Variants in RTTN observed in about 807,000 individuals in gnomAD.
RTTN encodes rotatin.
Under a neutral mutation model 269.2 loss-of-function variants are expected in RTTN, and 182 were observed. That is an observed-to-expected ratio of 0.68 (90% CI 0.60 to 0.76). The LOEUF is 0.76. Ranked by LOEUF, RTTN falls within the 30% of genes least tolerant of loss-of-function variation. The pLI is 0.00. For synonymous variants in RTTN, 1,006 were observed against 963.5 expected, an observed-to-expected ratio of 1.04 and a Z score of -0.82; for missense variants, 2,545 against 2,608.6, an observed-to-expected ratio of 0.98 and a Z score of 0.53.
chr18:70,067,938 C>T lies in RTTN; in HGVS notation c.4654-2016G>A, dbSNP rs528416117. ...GGGATACACAAGTTTAGAAAAGATG[C>T]TTTTAGAAAGTACCTTATTGTATTA... On this transcript the variant is annotated intron_variant, in intron 34 of 48. Coordinates refer to ENST00000640769, the MANE Select transcript of RTTN (RefSeq NM_173630.4). Among the ~76,000 whole-genome samples, 99 of 152,154 alleles carry T rather than the reference C, an allele frequency of 6.5e-4. 1 individual carries two copies. The highest frequency in any genetic ancestry group is 6.8e-4 in the Non-Finnish European group (46 of 68,018).
intron 34 of RTTN, 82 bp from the exon 35 acceptor site, chr18:70,066,004 T>A: frequency 1.2e-6 from 1 of 866,784 alleles, no homozygotes; most frequent in African/African-American, 1.7e-5. Context: ...AAGATATCCT[T>A]AAACAAGGAG....
intron 14 of RTTN, among the ~76,000 whole-genome samples, chr18:70,163,214 T>C (rs902324925): frequency 8.6e-5 from 13 of 150,584 alleles, no homozygotes; most frequent in Non-Finnish European, 7.4e-5. Context: ...AAACCCCATC[T>C]CTACTAAAAA....
chr18:70,199,341 CAT>C, intron 5 of RTTN, 71 bp downstream of exon 5: 1 of 959,140 alleles, frequency 1.0e-6, no homozygotes, highest in Non-Finnish European at 1.6e-6. Flanking sequence ...CCTGGTAAAA[CAT>C]ATTGTAATAA....
intron 36 of RTTN, 149 bp downstream of exon 36, chr18:70,059,701 T>C (rs554236241): frequency 4.2e-6 from 2 of 479,910 alleles, no homozygotes; most frequent in South Asian, 8.6e-5. Context: ...AAGACAATTC[T>C]GGCAAAAGCA....
Position 70,096,637 on chromosome 18 carries a change from A to G in RTTN, c.3904-3833T>C, listed in dbSNP as rs548265387. ...GTATCACCAGCGGAGGCTGCAGAAC[A>G]GCAAAGATTGCTGCCTGTTCCTTAC... On this transcript the variant is annotated intron_variant, in intron 28 of 48. Transcript: ENST00000640769. Among the ~76,000 whole-genome samples, 10 of 152,326 alleles carry G rather than the reference A, an allele frequency of 6.6e-5. No individual in the cohort carries two copies. In the East Asian group the frequency reaches 1.5e-3, roughly 24 times the overall value.
At chr18:70,045,869 A>G (rs1222598681) in intron 40 of RTTN, among the ~76,000 whole-genome samples, 1 of 152,210 alleles carries the variant, frequency 6.6e-6, no homozygotes, top group South Asian at 2.1e-4. Context: ...AATTTAGAGA[A>G]ATAAAGAGGA....
intron 35 of RTTN, 142 bp from the exon 36 acceptor site, chr18:70,060,184 C>A: frequency 1.3e-6 from 1 of 763,884 alleles, no homozygotes; most frequent in Non-Finnish European, 2.0e-6. Flanking sequence ...CTCATCTTAA[C>A]CTTGAGGTTA....
intron 31 of RTTN, among the ~76,000 whole-genome samples, chr18:70,087,577 G>C (rs1047163416): frequency 6.6e-6 from 1 of 151,774 alleles, no homozygotes; most frequent in African/African-American, 2.4e-5. Context: ...AAGCTATTCA[G>C]AAAGAATTAA....
chr18:70,119,001 T>G (rs1370394922), intron 26 of RTTN, among the ~76,000 whole-genome samples: 1 of 152,092 alleles, frequency 6.6e-6, no homozygotes, highest in African/African-American at 2.4e-5. Context: ...AGTTTAAAGC[T>G]TTTTCTCTAA....
At chr18:70,138,920 C>T (rs1262943574) in intron 21 of RTTN, 6 of 151,136 alleles carry the variant, frequency 4.0e-5, no homozygotes, top group Admixed American at 4.0e-4. Context: ...TTCTACATGA[C>T]TCTTGCAAAA....
At chr18:70,042,728 G>C (rs540286395) in intron 40 of RTTN, among the ~76,000 whole-genome samples, 5 of 152,126 alleles carry the variant, frequency 3.3e-5, no homozygotes, top group Non-Finnish European at 2.9e-5. Flanking sequence ...ACAGACTATG[G>C]CTTCTAAATT....
intron 40 of RTTN, among the ~76,000 whole-genome samples, chr18:70,044,461 C>T (rs1439575676): frequency 6.6e-6 from 1 of 152,098 alleles, no homozygotes; most frequent in Non-Finnish European, 1.5e-5. Flanking sequence ...GCACAGTAGG[C>T]CCCTTTATCC....
At chr18:70,074,083 C>T (rs1431295434) in intron 33 of RTTN, 89 bp from the exon 34 acceptor site, 1 of 799,172 alleles carries the variant, frequency 1.3e-6, no homozygotes, top group Non-Finnish European at 2.0e-6. Flanking sequence ...GAAACCAATT[C>T]AAAACTAAAG....
intron 37 of RTTN, 33 bp from the exon 38 acceptor site, chr18:70,054,317 A>G (rs1297509859): frequency 6.4e-7 from 1 of 1,565,890 alleles, no homozygotes; most frequent in South Asian, 1.2e-5. Context: ...CAAATCAAAC[A>G]TGCCATATAA....
Position 70,065,868 on chromosome 18 carries a change from GTGT to G in RTTN, c.4705_4707del (p.Thr1569del). ...TGGTCATGGGAGGCTTCAGGTAGAA[GTGT>G]TGTTGACTGCACAAGTGGCTGAAAT... On this transcript the variant is annotated inframe_deletion, in exon 35 of 49. Coordinates refer to ENST00000640769, the MANE Select transcript of RTTN (RefSeq NM_173630.4). The G allele has an allele frequency of 6.2e-7, 1 of 1,601,812 alleles. No homozygotes were observed. The highest frequency in any genetic ancestry group is 8.5e-7 in the Non-Finnish European group (1 of 1,172,922).
intron 37 of RTTN, among the ~76,000 whole-genome samples, chr18:70,054,709 C>T (rs1340366811): frequency 6.6e-6 from 1 of 152,074 alleles, no homozygotes; most frequent in African/African-American, 2.4e-5. Context: ...GTCCCAGCTA[C>T]TTGGGAGGCT....
intron 10 of RTTN, among the ~76,000 whole-genome samples, chr18:70,184,857 T>C (rs2061508768): frequency 6.7e-6 from 1 of 149,682 alleles, no homozygotes; most frequent in Admixed American, 6.7e-5. Context: ...ATGGCGCCAC[T>C]GCACTCCAGC....
intron 28 of RTTN, among the ~76,000 whole-genome samples, chr18:70,108,895 G>C (rs1040518353): frequency 1.3e-5 from 2 of 151,654 alleles, no homozygotes; most frequent in African/African-American, 4.8e-5. Flanking sequence ...CATACTGAAG[G>C]GTGAAAAATT....
Position 70,095,222 on chromosome 18 carries a change from C to T in RTTN, c.3904-2418G>A, listed in dbSNP as rs966293924. ...GCATGTGAGATGGGTCTCCTGAATA[C>T]AGCACACTGATAGGTCTTGCCTCTT... On this transcript the variant is annotated intron_variant, in intron 28 of 48. Coordinates refer to ENST00000640769, the MANE Select transcript of RTTN (RefSeq NM_173630.4). Among the ~76,000 whole-genome samples, 7 of 151,830 alleles carry T rather than the reference C, an allele frequency of 4.6e-5. No individual in the cohort carries two copies. The South Asian group carries it at 1.2e-3, about 27-fold the overall frequency.
Sources: allele counts gnomAD v4.1 joint callset (sites outside exome capture counted in the v4.1 genomes callset), GRCh38; gene constraint gnomAD v4.1.1; transcripts MANE v1.5; gene names NCBI Gene and HGNC (gene_info 2026-07-23, HGNC 2026-07-21).